STXBP5: variants seen among roughly 807,000 people sequenced by gnomAD.
STXBP5 encodes syntaxin binding protein 5.
In STXBP5, 50 loss-of-function variants were observed where a neutral mutation model predicts 152.4. The observed-to-expected ratio is 0.33, with a 90% CI of 0.26 to 0.42. The LOEUF is 0.42. Ranked by LOEUF, STXBP5 falls within the 10% of genes least tolerant of loss-of-function variation. The pLI is 1.00. For missense variants in STXBP5, 1,167 were observed against 1,388.6 expected (o/e 0.84, Z 2.54); for synonymous variants, 492 against 494.7 (o/e 0.99, Z 0.07).
intron 16 of STXBP5, among the ~76,000 whole-genome samples, chr6:147,320,197 A>G (rs1416324522): frequency 1.3e-5 from 2 of 151,978 alleles, no homozygotes; most frequent in Admixed American, 6.6e-5. Flanking sequence ...TAAAAATATC[A>G]CCTTAATTAT....
At chr6:147,246,939 G>A (rs1778839087) in intron 4 of STXBP5, among the ~76,000 whole-genome samples, 1 of 152,088 alleles carries the variant, frequency 6.6e-6, no homozygotes, top group African/African-American at 2.4e-5. Flanking sequence ...TCCCAGTATC[G>A]TAAGTAAATG....
At chr6:147,334,044 A>T in intron 18 of STXBP5, 113 bp from the exon 19 acceptor site, 1 of 991,928 alleles carries the variant, frequency 1.0e-6, no homozygotes, top group Non-Finnish European at 1.5e-6. Flanking sequence ...ACAGTCTGTT[A>T]ATTTATTGGG....
intron 9 of STXBP5, among the ~76,000 whole-genome samples, chr6:147,305,216 G>A (rs1005825342): frequency 1.3e-5 from 2 of 152,086 alleles, no homozygotes; most frequent in Admixed American, 1.3e-4. Flanking sequence ...CGTATTCACA[G>A]TTTGTGTTTG....
At chr6:147,240,665 T>C (rs1006289263) in intron 4 of STXBP5, among the ~76,000 whole-genome samples, 14 of 152,186 alleles carry the variant, frequency 9.2e-5, no homozygotes, top group African/African-American at 2.4e-4. Context: ...AGTATAGTTA[T>C]AACAACTGTA....
Position 147,304,296 on chromosome 6 carries a change from G to A in STXBP5, c.918-5788G>A, listed in dbSNP as rs146786508. On this transcript the variant is annotated intron_variant, in intron 9 of 27. Transcript: ENST00000321680. Reference sequence around the variant, plus strand: ...TAAAAGGGGTCAACATAGAGCTCAGGCCATTGCTTCAGAGGGTGCAAGCCC... The same window carrying A: ...TAAAAGGGGTCAACATAGAGCTCAGACCATTGCTTCAGAGGGTGCAAGCCC... Among the ~76,000 whole-genome samples, 256 of 152,316 alleles carry A rather than the reference G, an allele frequency of 1.7e-3. 1 individual carries two copies. The highest frequency in any genetic ancestry group is 3.3e-3 in the East Asian group (17 of 5,172).
intron 2 of STXBP5, among the ~76,000 whole-genome samples, chr6:147,233,306 T>C (rs1043878619): frequency 2.6e-5 from 4 of 151,754 alleles, no homozygotes; most frequent in Non-Finnish European, 5.9e-5. Flanking sequence ...ACATTATCTT[T>C]AAAGTTCCTT....
At chr6:147,301,032 A>G (rs750797539) in intron 9 of STXBP5, among the ~76,000 whole-genome samples, 6 of 152,094 alleles carry the variant, frequency 3.9e-5, no homozygotes, top group Admixed American at 2.0e-4. Context: ...ACAAATGACC[A>G]ATCAGGCATA....
chr6:147,354,188 A>C (rs751612890), intron 22 of STXBP5, among the ~76,000 whole-genome samples: 6 of 152,130 alleles, frequency 3.9e-5, no homozygotes, highest in Non-Finnish European at 8.8e-5. Context: ...TTTCTTGACT[A>C]TGTTTGCTAT....
chr6:147,283,615 G>T (rs1309108304), intron 8 of STXBP5, among the ~76,000 whole-genome samples: 2 of 152,258 alleles, frequency 1.3e-5, no homozygotes, highest in African/African-American at 4.8e-5. Context: ...CTTCTGAAGA[G>T]CTCCAGAGAA....
intron 26 of STXBP5, among the ~76,000 whole-genome samples, chr6:147,374,060 AT>A (rs1167215850): frequency 1.3e-5 from 2 of 152,220 alleles, no homozygotes; most frequent in Non-Finnish European, 2.9e-5. Context: ...ATAACTTTTG[AT>A]TACTAAAAAG....
chr6:147,387,649 G>C lies in STXBP5; in HGVS notation c.*2894G>C, dbSNP rs1334889933. ...TGTACAAAGTGTTTCCAAAAAAATG[G>C]TTATAGATTCGACTGAGCTATTACT... On this transcript the variant is annotated 3_prime_UTR_variant, in exon 28 of 28. Transcript: ENST00000321680. 1 of 151,736 alleles carries C rather than the reference G, an allele frequency of 6.6e-6. No homozygotes were observed. Among genetic ancestry groups the C allele is most frequent in the Admixed American group, 6.6e-5 (1 of 15,206 alleles). The allele number at this position is 151,736 out of a possible 1,614,324, so 9.4% of individuals were successfully genotyped here. A position where few individuals can be genotyped will look rare whatever the true frequency, so the allele number is the denominator to read the frequency against.
Position 147,317,503 on chromosome 6 carries a change from CACTT to C in STXBP5, c.1802+1098_1802+1101del, listed in dbSNP as rs547476504. On this transcript the variant is annotated intron_variant, in intron 16 of 27. Transcript: ENST00000321680. ...ACATGAGGAAGGGAGATGCTATTGA[CACTT>C]AGTGGGTAGAGGCCAGGGATAATGT... Among the ~76,000 whole-genome samples the C allele has an allele frequency of 2.9e-4, 44 of 152,206 alleles. No homozygotes were observed. The South Asian group carries it at 7.7e-3, about 27-fold the overall frequency.
chr6:147,271,202 A>C (rs947880756), intron 7 of STXBP5, among the ~76,000 whole-genome samples: 4 of 152,150 alleles, frequency 2.6e-5, no homozygotes, highest in Admixed American at 2.6e-4. Flanking sequence ...ATCTAACCAC[A>C]TACTGTCTGT....
At chr6:147,225,676 A>C (rs1442590377) in intron 2 of STXBP5, among the ~76,000 whole-genome samples, 2 of 152,224 alleles carry the variant, frequency 1.3e-5, no homozygotes, top group African/African-American at 2.4e-5. Flanking sequence ...TAGTGACGGT[A>C]GTGAAAACTT....
intron 2 of STXBP5, among the ~76,000 whole-genome samples, chr6:147,208,677 T>A (rs929490686): frequency 6.6e-6 from 1 of 152,158 alleles, no homozygotes; most frequent in African/African-American, 2.4e-5. Context: ...AAGTAGGCGA[T>A]GTTTTCAGAA....
chr6:147,351,782 C>T, intron 21 of STXBP5: 1 of 910,252 alleles, frequency 1.1e-6, no homozygotes, highest in Non-Finnish European at 1.3e-6. Context: ...CCCATTCCTT[C>T]CCAGTCTGCC....
chr6:147,271,911 C>T (rs1780191866), intron 7 of STXBP5, among the ~76,000 whole-genome samples: 1 of 151,982 alleles, frequency 6.6e-6, no homozygotes, highest in Admixed American at 6.6e-5. Context: ...GCAGATTACC[C>T]ATTATGGAGG....
chr6:147,299,468 A>G (rs1781696086), intron 9 of STXBP5, among the ~76,000 whole-genome samples: 1 of 151,980 alleles, frequency 6.6e-6, no homozygotes, highest in South Asian at 2.1e-4. Flanking sequence ...TGTTTCAAAA[A>G]ATTGAAGAGA....
chr6:147,252,045 G>A (rs1779124603), intron 4 of STXBP5, among the ~76,000 whole-genome samples: 1 of 152,046 alleles, frequency 6.6e-6, no homozygotes, highest in Admixed American at 6.6e-5. Context: ...TCAACAAAAA[G>A]GGCATCCACA....
Sources: gnomAD v4.1 joint callset for allele counts (sites outside exome capture counted in the v4.1 genomes callset) on GRCh38, gnomAD v4.1.1 for gene constraint, MANE v1.5 for transcripts, NCBI Gene and HGNC (gene_info 2026-07-23, HGNC 2026-07-21) for gene names.